KATNAL2: variants seen among roughly 807,000 people sequenced by gnomAD.
The protein encoded by KATNAL2 is katanin p60 ATPase-containing subunit A-like 2.
A neutral mutation model predicts 76.3 loss-of-function variants in KATNAL2; 52 were observed. The ratio of observed to expected loss-of-function variants is 0.68; its 90% CI spans 0.55 to 0.86. The LOEUF is 0.86. Among genes scored for constraint, KATNAL2 ranks in the 40% least tolerant of loss-of-function variants. KATNAL2 has a pLI of 0.00. For synonymous variants in KATNAL2, 243 were observed against 244.2 expected, an observed-to-expected ratio of 1.00 and a Z score of 0.05; for missense variants, 660 against 668.9, an observed-to-expected ratio of 0.99 and a Z score of 0.15.
chr18:47,033,289 T>C, intron 3 of KATNAL2: 2 of 1,613,538 alleles, frequency 1.2e-6, no homozygotes, highest in East Asian at 4.5e-5. Flanking sequence ...TGCAGACTTC[T>C]CTTGCCTCCT....
chr18:47,078,968 C>T (rs1416061422), intron 15 of KATNAL2, among the ~76,000 whole-genome samples: 3 of 152,078 alleles, frequency 2.0e-5, no homozygotes, highest in Admixed American at 6.6e-5. Context: ...TGCCTTAGAA[C>T]CAATATGTTC....
intron 2 of KATNAL2, 142 bp downstream of exon 2, chr18:46,946,688 T>C: frequency 9.5e-7 from 1 of 1,052,096 alleles, no homozygotes; most frequent in South Asian, 1.7e-5. Flanking sequence ...GGATTAAACA[T>C]GCATGGTCTA....
At chr18:47,090,885 C>G (rs897345009) in intron 15 of KATNAL2, among the ~76,000 whole-genome samples, 40 of 152,174 alleles carry the variant, frequency 2.6e-4, no homozygotes, top group African/African-American at 9.2e-4. Context: ...CCCTTCAATG[C>G]TTAATCATTG....
At chr18:47,063,485 C>T (rs34083574) in intron 10 of KATNAL2, 124 bp downstream of exon 10, 12,490 of 652,316 alleles carry the variant, frequency 0.019, 176 homozygotes, top group Middle Eastern at 0.038. Context: ...CCCCCACTTG[C>T]GCAGGCACTC....
intron 10 of KATNAL2, among the ~76,000 whole-genome samples, chr18:47,064,279 A>G (rs1754309487): frequency 6.6e-6 from 1 of 152,140 alleles, no homozygotes; most frequent in African/African-American, 2.4e-5. Context: ...GAAAGAAGAC[A>G]GGAAATCGCT....
intron 3 of KATNAL2, chr18:47,035,194 G>C: frequency 1.2e-6 from 2 of 1,612,532 alleles, no homozygotes; most frequent in Non-Finnish European, 1.7e-6. Context: ...TAGCTTTTTC[G>C]GCTCCGTCTT....
chr18:46,962,238 C>T (rs1232619792), intron 3 of KATNAL2, among the ~76,000 whole-genome samples: 1 of 138,138 alleles, frequency 7.2e-6, no homozygotes, highest in African/African-American at 3.0e-5. Context: ...TGGGCTGCAG[C>T]GATCTGCTTT....
intron 6 of KATNAL2, among the ~76,000 whole-genome samples, chr18:47,057,003 A>C (rs75418045): frequency 4.1e-4 from 63 of 151,906 alleles, no homozygotes; most frequent in African/African-American, 1.3e-3. Flanking sequence ...GAAAAAAAAA[A>C]CCCCAAGAAC....
chr18:47,055,155 C>G (rs1317936609), intron 6 of KATNAL2, among the ~76,000 whole-genome samples: 1 of 152,186 alleles, frequency 6.6e-6, no homozygotes, highest in African/African-American at 2.4e-5. Flanking sequence ...CCATAGACCC[C>G]TCCACTGTCA....
intron 1 of KATNAL2, among the ~76,000 whole-genome samples, chr18:46,939,350 A>AT (rs993907364): frequency 6.6e-6 from 1 of 152,038 alleles, no homozygotes; most frequent in African/African-American, 2.4e-5. Flanking sequence ...AAAAAAAAAA[A>AT]AAGAAAAGAA....
At chr18:47,072,183 C>G (rs1358064323) in intron 13 of KATNAL2, among the ~76,000 whole-genome samples, 1 of 151,736 alleles carries the variant, frequency 6.6e-6, no homozygotes, top group Non-Finnish European at 1.5e-5. Context: ...GTCTCAAACT[C>G]CTGACCTTGT....
At chr18:47,068,309 CCT>C (rs1240575249) in intron 11 of KATNAL2, among the ~76,000 whole-genome samples, 1 of 152,178 alleles carries the variant, frequency 6.6e-6, no homozygotes, top group African/African-American at 2.4e-5. Context: ...CCATGTGGCC[CCT>C]GATTTTTGGA....
chr18:47,034,825 T>A lies in KATNAL2; in HGVS notation c.52-11632T>A. The A allele has an allele frequency of 6.2e-7, 1 of 1,607,084 alleles. No individual in the cohort carries two copies. The highest frequency in any genetic ancestry group is 1.3e-5 in the African/African-American group (1 of 74,918). ...TCTCTCAGCTCTGGGCTCGCGACTG[T>A]GAGACCTCGGGTGAGGTCTCTGTTG... is the stretch of plus-strand genomic sequence containing the variant. On this transcript the variant is annotated intron_variant, in intron 3 of 17. Coordinates refer to ENST00000683218, the MANE Select transcript of KATNAL2 (RefSeq NM_001387690.1).
intron 16 of KATNAL2, among the ~76,000 whole-genome samples, 156 bp downstream of exon 16, chr18:47,099,561 G>C (rs1272832413): frequency 1.3e-5 from 2 of 152,198 alleles, no homozygotes; most frequent in Admixed American, 6.5e-5. Context: ...CGAAGAATAA[G>C]CTCCTTTTCA....
intron 3 of KATNAL2, chr18:47,033,157 C>G (rs577341359): frequency 2.5e-6 from 4 of 1,614,042 alleles, no homozygotes; most frequent in South Asian, 1.1e-5. Flanking sequence ...AGGGAGCCAG[C>G]GAAGGATGCT....
At chr18:46,931,781 A>G (rs1422421370) in intron 1 of KATNAL2, among the ~76,000 whole-genome samples, 5 of 152,154 alleles carry the variant, frequency 3.3e-5, no homozygotes, top group Admixed American at 6.5e-5. Context: ...AGAAATAAAG[A>G]CAGCAGTAGA....
chr18:47,081,435 T>G (rs1239011492), intron 15 of KATNAL2, among the ~76,000 whole-genome samples: 1 of 152,340 alleles, frequency 6.6e-6, no homozygotes, highest in East Asian at 1.9e-4. Context: ...AGTATAAAAA[T>G]TAGTGTGATA....
chr18:47,069,710 TCCACTC>T (rs781464236), intron 13 of KATNAL2, 110 bp downstream of exon 13: 12 of 678,902 alleles, frequency 1.8e-5, no homozygotes, highest in Non-Finnish European at 3.0e-5. Flanking sequence ...GATCTCAAGA[TCCACTC>T]CTGGATCTTG....
chr18:46,955,148 T>TTCTCTCTC, intron 3 of KATNAL2, among the ~76,000 whole-genome samples: 1 of 138,938 alleles, frequency 7.2e-6, no homozygotes, highest in Non-Finnish European at 1.5e-5. Flanking sequence ...CTCTCTTTCT[T>TTCTCTCTC]TCTTTCTTTC....
Sources: allele counts gnomAD v4.1 joint callset (sites outside exome capture counted in the v4.1 genomes callset), GRCh38; gene constraint gnomAD v4.1.1; transcripts MANE v1.5; gene names NCBI Gene and HGNC (gene_info 2026-07-23, HGNC 2026-07-21).